Variants in SH3PXD2A observed in about 807,000 individuals in gnomAD.
SH3PXD2A encodes the protein SH3 and PX domain-containing protein 2A.
SH3PXD2A carries 32 observed loss-of-function variants against 115.2 expected under a neutral mutation model. The observed-to-expected ratio is 0.28, with a 90% confidence interval of 0.21 to 0.37. SH3PXD2A has a LOEUF of 0.37. Ranked by LOEUF, SH3PXD2A falls within the 10% of genes least tolerant of loss-of-function variation. The pLI is 1.00. For missense variants in SH3PXD2A, 1,328 were observed against 1,498.7 expected, an observed-to-expected ratio of 0.89 and a Z score of 1.88; for synonymous variants, 610 against 629.1, an observed-to-expected ratio of 0.97 and a Z score of 0.45.
chr10:103,686,472 T>A (rs1385111408), intron 6 of SH3PXD2A, among the ~76,000 whole-genome samples: 2 of 151,882 alleles, frequency 1.3e-5, no homozygotes, highest in Non-Finnish European at 2.9e-5. Context: ...CTCTGGGGAG[T>A]CTGCTCCAGC....
intron 1 of SH3PXD2A, among the ~76,000 whole-genome samples, chr10:103,822,548 G>A (rs743246): frequency 2.1e-5 from 3 of 145,784 alleles, no homozygotes; most frequent in Admixed American, 2.0e-4. Context: ...AGGGCATGGT[G>A]GGGGGGGAGC....
At chr10:103,635,767 G>A (rs2036855674) in intron 8 of SH3PXD2A, among the ~76,000 whole-genome samples, 1 of 135,402 alleles carries the variant, frequency 7.4e-6, no homozygotes, top group Non-Finnish European at 1.6e-5. Context: ...CTGTGTGCCA[G>A]GGCCCAGCCC....
intron 8 of SH3PXD2A, among the ~76,000 whole-genome samples, chr10:103,634,699 T>A (rs974347545): frequency 6.6e-6 from 1 of 152,174 alleles, no homozygotes; most frequent in African/African-American, 2.4e-5. Context: ...GATGCCAGCC[T>A]GCATGTACCT....
intron 3 of SH3PXD2A, among the ~76,000 whole-genome samples, chr10:103,760,944 T>C (rs1228771984): frequency 6.6e-6 from 1 of 152,214 alleles, no homozygotes; most frequent in Non-Finnish European, 1.5e-5. Context: ...GAATAATACT[T>C]TGGACACCTA....
At position 103,662,361 on chromosome 10, in the gene SH3PXD2A, G is replaced by GA. The variant is rs1491126418; in HGVS notation, c.473-1248dup. Among the ~76,000 whole-genome samples, 14 of 104,482 alleles carry GA rather than the reference G, an allele frequency of 1.3e-4. 2 individuals are homozygous for GA. Among genetic ancestry groups the GA allele is most frequent in the Non-Finnish European group, 2.4e-4 (13 of 53,938 alleles). The allele number at this position is 104,482 out of a possible 152,430, so 68.5% of individuals were successfully genotyped here. ...ATTGGCGGGGGGGGGGGCGGGGGGGGATAAGACACTTAAAATATGATGTGC... is the reference window on the plus strand; with the variant it reads ...ATTGGCGGGGGGGGGGGCGGGGGGGGAATAAGACACTTAAAATATGATGTGC... On this transcript the variant is annotated intron_variant, in intron 7 of 14. Transcript: ENST00000369774.
intron 10 of SH3PXD2A, among the ~76,000 whole-genome samples, chr10:103,621,344 C>T (rs2036600166): frequency 1.3e-5 from 2 of 152,282 alleles, no homozygotes; most frequent in Middle Eastern, 3.4e-3. Flanking sequence ...ACAACTTGAC[C>T]CCCAGCCCTG....
At chr10:103,793,610 C>T (rs974717724) in intron 2 of SH3PXD2A, among the ~76,000 whole-genome samples, 16 of 152,220 alleles carry the variant, frequency 1.1e-4, no homozygotes, top group African/African-American at 3.6e-4. Context: ...CTGTCTAAGG[C>T]ATGTGAGCAT....
At chr10:103,807,842 C>A (rs2039222464) in intron 1 of SH3PXD2A, among the ~76,000 whole-genome samples, 1 of 152,132 alleles carries the variant, frequency 6.6e-6, no homozygotes. Context: ...CATATGGTCC[C>A]AGAAATCAAA....
At chr10:103,741,393 C>T (rs2038442367) in intron 3 of SH3PXD2A, among the ~76,000 whole-genome samples, 2 of 152,222 alleles carry the variant, frequency 1.3e-5, no homozygotes, top group Admixed American at 6.5e-5. Context: ...ATGCTTGTCT[C>T]GCCCTTCCTT....
At chr10:103,843,590 T>A (rs978198734) in intron 1 of SH3PXD2A, among the ~76,000 whole-genome samples, 1 of 152,182 alleles carries the variant, frequency 6.6e-6, no homozygotes, top group African/African-American at 2.4e-5. Context: ...ATAGCAAGCT[T>A]GTTATCATAT....
chr10:103,668,535 G>A, intron 7 of SH3PXD2A, 73 bp downstream of exon 7: 2 of 1,315,526 alleles, frequency 1.5e-6, no homozygotes, highest in Non-Finnish European at 2.1e-6. Flanking sequence ...CGCAGGGCCT[G>A]CAGGCACCGG....
Position 103,730,121 on chromosome 10 carries a change from G to A in SH3PXD2A, c.306+5611C>T, listed in dbSNP as rs184062550. Among the ~76,000 whole-genome samples the A allele has an allele frequency of 3.9e-5, 6 of 152,216 alleles. No homozygotes were observed. The East Asian group carries it at 5.8e-4, about 15-fold the overall frequency. On this transcript the variant is annotated intron_variant, in intron 4 of 14. Coordinates refer to ENST00000369774, the MANE Select transcript of SH3PXD2A (RefSeq NM_001394015.1). ...GCCCACCACTCTGGGTAATGCCTGC[G>A]TCAGGACAAAGAGCAAAGCTGTGCA...
intron 4 of SH3PXD2A, among the ~76,000 whole-genome samples, chr10:103,725,448 TG>T (rs2038229099): frequency 6.6e-6 from 1 of 152,016 alleles, no homozygotes; most frequent in Non-Finnish European, 1.5e-5. Flanking sequence ...ACAGTAGTCA[TG>T]GCAAGTGCGT....
chr10:103,638,153 A>T (rs1369356568), intron 8 of SH3PXD2A, among the ~76,000 whole-genome samples: 1 of 152,120 alleles, frequency 6.6e-6, no homozygotes, highest in East Asian at 1.9e-4. Flanking sequence ...AGCGGGTCCT[A>T]CCTGTGCCCA....
intron 6 of SH3PXD2A, among the ~76,000 whole-genome samples, chr10:103,685,457 G>C (rs929912671): frequency 1.3e-5 from 2 of 152,090 alleles, no homozygotes; most frequent in African/African-American, 4.8e-5. Flanking sequence ...GGTTGTTGCA[G>C]GGAGGCTCCT....
intron 8 of SH3PXD2A, among the ~76,000 whole-genome samples, chr10:103,633,601 G>A (rs1188270841): frequency 6.6e-6 from 1 of 151,628 alleles, no homozygotes; most frequent in African/African-American, 2.4e-5. Context: ...GGTGGCGGAT[G>A]CCTGTAATCC....
At chr10:103,725,421 T>C (rs1397534131) in intron 4 of SH3PXD2A, among the ~76,000 whole-genome samples, 2 of 150,528 alleles carry the variant, frequency 1.3e-5, no homozygotes, top group African/African-American at 4.9e-5. Context: ...AGAGGAGGAG[T>C]GGGCATTCTA....
At position 103,605,817 on chromosome 10, in the gene SH3PXD2A, C is replaced by G. The variant is rs374221356; in HGVS notation, c.1409G>C (p.Arg470Pro). The change falls in exon 14 of 15, where the codon CGG becomes CCG. Residue 470 changes from arginine (R) to proline (P), a missense_variant. Coordinates refer to ENST00000369774, the MANE Select transcript of SH3PXD2A (RefSeq NM_001394015.1). Reference sequence around the variant, plus strand: ...GCTTACCTCTGCCTTCTGTCCACCCCGAAAGCTGATGCCATCGGAAATGCA... The same window carrying G: ...GCTTACCTCTGCCTTCTGTCCACCCGGAAAGCTGATGCCATCGGAAATGCA... ...QSCISDGISF[R>P]GGQKAEVIDK... is the part of the protein sequence containing the mutation. The G allele has an allele frequency of 3.7e-6, 6 of 1,613,984 alleles. No homozygotes were observed. The African/African-American group carries it at 8.0e-5, about 22-fold the overall frequency.
chr10:103,814,885 G>A (rs1424907989), intron 1 of SH3PXD2A, among the ~76,000 whole-genome samples: 1 of 152,126 alleles, frequency 6.6e-6, no homozygotes, highest in African/African-American at 2.4e-5. Flanking sequence ...GACTGAAACT[G>A]CAGGGAGGCA....
Sources: gnomAD v4.1 joint callset for allele counts (sites outside exome capture counted in the v4.1 genomes callset) on GRCh38, gnomAD v4.1.1 for gene constraint, MANE v1.5 for transcripts, NCBI Gene and HGNC (gene_info 2026-07-23, HGNC 2026-07-21) for gene names.